TRIM58: variants seen among roughly 807,000 people sequenced by gnomAD.
TRIM58 encodes the protein tripartite motif containing 58, also known as E3 ubiquitin-protein ligase TRIM58.
A neutral mutation model predicts 34.1 loss-of-function variants in TRIM58; 38 were observed. That is an observed-to-expected ratio of 1.12 (90% CI 0.86 to 1.46). The LOEUF is 1.46. TRIM58 is among the 40% of genes most tolerant of loss of function. The pLI is 0.00. For missense variants in TRIM58, 677 were observed against 642.0 expected, an observed-to-expected ratio of 1.05 and a Z score of -0.59; for synonymous variants, 273 against 275.7, an observed-to-expected ratio of 0.99 and a Z score of 0.10.
chr1:247,873,127 G>A (rs1034768869), intron 5 of TRIM58, among the ~76,000 whole-genome samples: 3 of 152,268 alleles, frequency 2.0e-5, no homozygotes, highest in African/African-American at 7.2e-5. Context: ...CTACTCGGGA[G>A]GCTGAGGCAG....
rs1227256266 is a variant in TRIM58 at position 247,879,276 on chromosome 1, C to A, written c.*2787C>A. 6.6e-6 allele frequency among the ~76,000 whole-genome samples: 1 copy of A among 152,182 alleles called. No individual in the cohort carries two copies. The highest frequency in any genetic ancestry group is 1.5e-5 in the Non-Finnish European group (1 of 68,040). On this transcript the variant is annotated 3_prime_UTR_variant, in exon 6 of 6. Transcript: ENST00000366481. ...CTCCAGCCCACATCCAGTCCATCGGCAAGCCCTGTTGGTCCTACCTTCAGA... is the reference window on the plus strand; with the variant it reads ...CTCCAGCCCACATCCAGTCCATCGGAAAGCCCTGTTGGTCCTACCTTCAGA...
chr1:247,860,636 T>C lies in TRIM58; in HGVS notation c.440T>C (p.Leu147Pro). ...GSYQVKLQMA[L>P]ELMRKELEDA... ...AAACAGGTAAAGCTCCAGATGGCTC[T>C]GGAACTTATGAGGAAAGAGTTGGAG... The change falls in exon 2 of 6, where the codon CTG (leucine) becomes CCG (proline). Residue 147 changes from leucine (L) to proline (P), a missense_variant. By Grantham distance (98) the Leu-to-Pro change is moderately conservative. Coordinates refer to ENST00000366481, the MANE Select transcript of TRIM58 (RefSeq NM_015431.4). The C allele has an allele frequency of 6.2e-7, 1 of 1,613,758 alleles. No homozygotes were observed.
At position 247,878,395 on chromosome 1, in the gene TRIM58, T is replaced by G. The variant is rs1305247779; in HGVS notation, c.*1906T>G. ...TTCGACTGACATCTTTAACTTACCTTCCAATCATATTACTAACGTAGCCTT... is the reference window on the plus strand; with the variant it reads ...TTCGACTGACATCTTTAACTTACCTGCCAATCATATTACTAACGTAGCCTT... On this transcript the variant is annotated 3_prime_UTR_variant, in exon 6 of 6. Coordinates refer to ENST00000366481, the MANE Select transcript of TRIM58 (RefSeq NM_015431.4). Among the ~76,000 whole-genome samples the G allele has an allele frequency of 1.3e-5, 2 of 152,230 alleles. No homozygotes were observed. The highest frequency in any genetic ancestry group is 2.9e-5 in the Non-Finnish European group (2 of 68,042).
intron 1 of TRIM58, among the ~76,000 whole-genome samples, chr1:247,860,077 CT>C (rs769632505): frequency 1.6e-4 from 24 of 152,048 alleles, no homozygotes; most frequent in Non-Finnish European, 3.2e-4. Context: ...TTTTTCTCCC[CT>C]ATCTTTAATG....
At chr1:247,862,990 C>T (rs1189062836) in intron 2 of TRIM58, among the ~76,000 whole-genome samples, 1 of 152,158 alleles carries the variant, frequency 6.6e-6, no homozygotes, top group Non-Finnish European at 1.5e-5. Context: ...TGCCCCACCC[C>T]ACGACAGCAC....
At chr1:247,858,877 C>T (rs1326241371) in intron 1 of TRIM58, among the ~76,000 whole-genome samples, 1 of 147,780 alleles carries the variant, frequency 6.8e-6, no homozygotes, top group Non-Finnish European at 1.5e-5. Context: ...AGCAATTCTC[C>T]TGCCTCAGCC....
intron 5 of TRIM58, among the ~76,000 whole-genome samples, chr1:247,871,238 C>T (rs1659114117): frequency 6.6e-6 from 1 of 152,130 alleles, no homozygotes; most frequent in African/African-American, 2.4e-5. Flanking sequence ...ACCCCACCTC[C>T]TAAAAGTAAT....
intron 5 of TRIM58, among the ~76,000 whole-genome samples, chr1:247,875,064 A>T (rs1207203592): frequency 6.6e-6 from 1 of 152,036 alleles, no homozygotes; most frequent in Non-Finnish European, 1.5e-5. Flanking sequence ...CATCTTATTG[A>T]CCTTTCCTGC....
chr1:247,858,950 A>G (rs1335721870), intron 1 of TRIM58, among the ~76,000 whole-genome samples: 1 of 151,738 alleles, frequency 6.6e-6, no homozygotes, highest in Non-Finnish European at 1.5e-5. Flanking sequence ...TATTTTTAGT[A>G]GAGACGGGGT....
At chr1:247,871,011 C>T (rs954822446) in intron 5 of TRIM58, among the ~76,000 whole-genome samples, 2 of 147,150 alleles carry the variant, frequency 1.4e-5, no homozygotes, top group African/African-American at 2.5e-5. Context: ...GAGCCTGCAC[C>T]ACCACGCCCA....
chr1:247,863,549 T>TAAAAAAAAAAAA (rs1037833756), intron 2 of TRIM58, among the ~76,000 whole-genome samples: 1 of 144,688 alleles, frequency 6.9e-6, no homozygotes, highest in Non-Finnish European at 1.5e-5. Flanking sequence ...AAAAAAAGAT[T>TAAAAAAAAAAAA]AAAAAAAAAA....
At chr1:247,867,766 A>G in intron 3 of TRIM58, 79 bp from the exon 4 acceptor site, 2 of 1,551,832 alleles carry the variant, frequency 1.3e-6, no homozygotes, top group Admixed American at 3.4e-5. Context: ...TTTCTAAGGA[A>G]ATTTTTATGG....
intron 2 of TRIM58, among the ~76,000 whole-genome samples, chr1:247,863,559 A>G (rs78689035): frequency 6.6e-6 from 1 of 151,942 alleles, no homozygotes; most frequent in Non-Finnish European, 1.5e-5. Context: ...TAAAAAAAAA[A>G]CCAGGCAAAT....
chr1:247,864,857 C>G lies in TRIM58; in HGVS notation c.669C>G (p.Val223=). The G allele has an allele frequency of 6.2e-7, 1 of 1,612,028 alleles. No homozygotes were observed. The highest frequency in any genetic ancestry group is 8.5e-7 in the Non-Finnish European group (1 of 1,179,534). Reference sequence around the variant, plus strand: ...TGCGGGAGAGCAAGAGCCGGCTGGTCCAGCAGAGCAAGGCCCTGAAGGAGC... The same window carrying G: ...TGCGGGAGAGCAAGAGCCGGCTGGTGCAGCAGAGCAAGGCCCTGAAGGAGC... ...QRLRESKSRL[V]QQSKALKELA... Residue 223 remains valine (V), a synonymous_variant, in exon 3 of 6, where the codon GTC becomes GTG. Coordinates refer to ENST00000366481, the MANE Select transcript of TRIM58 (RefSeq NM_015431.4).
chr1:247,871,699 T>C lies in TRIM58; in HGVS notation c.871+3636T>C, dbSNP rs527682671. On this transcript the variant is annotated intron_variant, in intron 5 of 5. Coordinates refer to ENST00000366481, the MANE Select transcript of TRIM58 (RefSeq NM_015431.4). ...TATTTGTTTTTATGGAATGAAATCA[T>C]TCAAAATGTGTGATTAATTTTATCT... Among the ~76,000 whole-genome samples, 56 of 152,316 alleles carry C rather than the reference T, an allele frequency of 3.7e-4. No individual in the cohort carries two copies. The South Asian group carries it at 7.0e-3, about 19-fold the overall frequency.
At chr1:247,861,850 G>A (rs924632476) in intron 2 of TRIM58, among the ~76,000 whole-genome samples, 3 of 152,076 alleles carry the variant, frequency 2.0e-5, no homozygotes, top group East Asian at 1.9e-4. Context: ...AAGGCCAGGC[G>A]TGGTGGCTCA....
In TRIM58 at chr1:247,875,980, C is replaced by A. The variant is rs1002698388; in HGVS notation, c.952C>A (p.Pro318Thr). 5 of 1,614,078 alleles carry A rather than the reference C, an allele frequency of 3.1e-6. No homozygotes were observed. The African/African-American group carries it at 6.7e-5, about 22-fold the overall frequency. Reference sequence around the variant, plus strand: ...CCTGCGCAGTGTGCAGGATGGAGAACCATGGAGGGATGTCCCCAACAACCC... The same window carrying A: ...CCTGCGCAGTGTGCAGGATGGAGAAACATGGAGGGATGTCCCCAACAACCC... ...ADLRSVQDGE[P>T]WRDVPNNPER... Residue 318 changes from proline (P) to threonine (T), a missense_variant, in exon 6 of 6, where the codon CCA (proline) becomes ACA (threonine). Pro to Thr is a conservative substitution (Grantham distance 38). Coordinates refer to ENST00000366481, the MANE Select transcript of TRIM58 (RefSeq NM_015431.4).
rs746098818 is a variant in TRIM58 at position 247,857,543 on chromosome 1, C to T, written c.297C>T (p.His99=). The change falls in exon 1 of 6, where the codon CAC becomes CAT. Residue 99 remains histidine (H), a synonymous_variant. Transcript: ENST00000366481. ...AGPGARRCAR[H]GEDLSRFCEE... ...CCGGGGCGCGGCGATGCGCGCGGCA[C>T]GGCGAGGACCTGAGCCGCTTCTGCG... 6 of 1,279,060 alleles carry T rather than the reference C, an allele frequency of 4.7e-6. No homozygotes were observed. Among genetic ancestry groups the T allele is most frequent in the African/African-American group, 3.1e-5 (2 of 64,534 alleles). 79.2% of individuals were successfully genotyped at this position (1,279,060 alleles called of 1,614,324 possible). A position where few individuals can be genotyped will look rare whatever the true frequency, so the allele number is the denominator to read the frequency against.
At chr1:247,864,680 G>C (rs756972642) in intron 2 of TRIM58, 25 bp from the exon 3 acceptor site, 1 of 1,611,572 alleles carries the variant, frequency 6.2e-7, no homozygotes. Flanking sequence ...AAGCACTGAC[G>C]ATGTGATCCA....
Sources: gnomAD v4.1 joint callset for allele counts (sites outside exome capture counted in the v4.1 genomes callset) on GRCh38, gnomAD v4.1.1 for gene constraint, MANE v1.5 for transcripts, NCBI Gene and HGNC (gene_info 2026-07-23, HGNC 2026-07-21) for gene names.